The following DNAJC10 variants were observed in gnomAD, a reference collection of about 807,000 sequenced individuals.
DNAJC10 encodes the protein DnaJ heat shock protein family (Hsp40) member C10.
Under a neutral mutation model 115.0 loss-of-function variants are expected in DNAJC10, and 101 were observed. The observed-to-expected ratio is 0.88, with a 90% CI of 0.75 to 1.04. The LOEUF (loss-of-function observed/expected upper bound fraction) is 1.04. Among genes scored for constraint, DNAJC10 ranks in the 50% least tolerant of loss-of-function variants. The pLI is 0.00. For missense variants in DNAJC10, 981 were observed against 928.8 expected, an observed-to-expected ratio of 1.06 and a Z score of -0.73; for synonymous variants, 307 against 301.5, an observed-to-expected ratio of 1.02 and a Z score of -0.19.
intron 11 of DNAJC10, chr2:182,739,444 C>A: frequency 4.7e-6 from 4 of 857,060 alleles, no homozygotes; most frequent in Non-Finnish European, 5.9e-6. Flanking sequence ...AACTGTTAAA[C>A]ATAGATGGTT....
chr2:182,777,159 A>AAAAGAAATTCTGACAG lies in DNAJC10; in HGVS notation c.*29_*44dup. On this transcript the variant is annotated 3_prime_UTR_variant, in exon 24 of 24. Transcript: ENST00000264065. ...AATGTTGAAGATGAAGAAAAAGTTT[A>AAAAGAAATTCTGACAG]AAAGAAATTCTGACAGATGACATCA... 7.4e-7 allele frequency: 1 copy of AAAAGAAATTCTGACAG among 1,359,284 alleles called. No individual in the cohort carries two copies. The highest frequency in any genetic ancestry group is 2.5e-5 in the East Asian group (1 of 40,508). The allele number at this position is 1,359,284 out of a possible 1,614,324, so 84.2% of individuals were successfully genotyped here.
intron 22 of DNAJC10, among the ~76,000 whole-genome samples, chr2:182,763,350 T>C (rs1694333250): frequency 6.6e-6 from 1 of 152,172 alleles, no homozygotes; most frequent in Admixed American, 6.5e-5. Flanking sequence ...TTTATACTTT[T>C]TGTCCAGAGC....
At chr2:182,717,919 A>C (rs745705248) in intron 2 of DNAJC10, 22 bp from the exon 3 acceptor site, 26 of 499,298 alleles carry the variant, frequency 5.2e-5, no homozygotes, top group Non-Finnish European at 8.1e-5. Flanking sequence ...ATGTATTTTA[A>C]CTGCCTGCTT....
intron 5 of DNAJC10, among the ~76,000 whole-genome samples, chr2:182,724,573 TC>T (rs1201328316): frequency 2.5e-4 from 38 of 152,194 alleles, no homozygotes; most frequent in Non-Finnish European, 4.4e-5. Context: ...GGTACAGGAC[TC>T]AGTGTTCACC....
chr2:182,759,508 A>G (rs538860806), intron 21 of DNAJC10, among the ~76,000 whole-genome samples: 26 of 152,034 alleles, frequency 1.7e-4, no homozygotes, highest in African/African-American at 6.3e-4. Flanking sequence ...CATCTTCTCT[A>G]TCTTGGTAGA....
Position 182,738,633 on chromosome 2 carries a change from C to T in DNAJC10, c.988-1666C>T, listed in dbSNP as rs112474513. ...TCCACTCACTGCAAGCTCCACCTCC[C>T]GGGTTCACACCATTCTCCTGCCTCA... On this transcript the variant is annotated intron_variant, in intron 11 of 23. Transcript: ENST00000264065. Among the ~76,000 whole-genome samples the T allele has an allele frequency of 8.1e-4, 123 of 152,048 alleles. 3 individuals are homozygous for T. The highest frequency in any genetic ancestry group is 1.4e-4 in the African/African-American group (6 of 41,478).
At chr2:182,716,864 C>T (rs1280177558) in intron 1 of DNAJC10, among the ~76,000 whole-genome samples, 152 bp from the exon 2 acceptor site, 11 of 152,174 alleles carry the variant, frequency 7.2e-5, no homozygotes, top group Admixed American at 7.2e-4. Context: ...GCTCGGGCCA[C>T]GGGCAGTTCG....
chr2:182,752,042 C>T (rs544769263), intron 15 of DNAJC10, 30 bp from the exon 16 acceptor site: 73 of 1,535,672 alleles, frequency 4.8e-5, no homozygotes, highest in Admixed American at 2.2e-4. Flanking sequence ...TCATTTGGCT[C>T]GGTGCTTATG....
At chr2:182,725,671 A>G (rs1693264971) in intron 5 of DNAJC10, among the ~76,000 whole-genome samples, 1 of 152,180 alleles carries the variant, frequency 6.6e-6, no homozygotes, top group Non-Finnish European at 1.5e-5. Context: ...GTTTGAAGCT[A>G]GAAAAGGTTG....
chr2:182,793,692 G>A lies in DNAJC10; in HGVS notation c.*16560G>A, dbSNP rs1657244315. ...CTATATAATCCTAAATTAGGTTTCA[G>A]TTTATTTAAGTACTAAATTAGGTTG... On this transcript the variant is annotated 3_prime_UTR_variant, in exon 24 of 24. Coordinates refer to ENST00000264065, the MANE Select transcript of DNAJC10 (RefSeq NM_018981.4). 6.6e-6 allele frequency: 1 copy of A among 151,996 alleles called. No homozygotes were observed. The highest frequency in any genetic ancestry group is 1.5e-5 in the Non-Finnish European group (1 of 68,010). 9.4% of individuals were successfully genotyped at this position (151,996 alleles called of 1,614,324 possible).
intron 22 of DNAJC10, among the ~76,000 whole-genome samples, chr2:182,774,355 T>C (rs1275237009): frequency 6.6e-6 from 1 of 152,166 alleles, no homozygotes; most frequent in Non-Finnish European, 1.5e-5. Flanking sequence ...TCAAATGCCG[T>C]TCTGGGAGAA....
intron 16 of DNAJC10, among the ~76,000 whole-genome samples, chr2:182,754,359 A>G (rs1323682171): frequency 6.6e-6 from 1 of 152,214 alleles, no homozygotes; most frequent in Non-Finnish European, 1.5e-5. Flanking sequence ...GCAAATCCAC[A>G]GACAAGGATC....
At chr2:182,747,425 TCTC>T (rs1213379013) in intron 14 of DNAJC10, among the ~76,000 whole-genome samples, 2 of 149,344 alleles carry the variant, frequency 1.3e-5, no homozygotes, top group Non-Finnish European at 3.0e-5. Flanking sequence ...GGTTTGTAGT[TCTC>T]CTTGAAGAGG....
At chr2:182,763,180 G>C (rs1045273305) in intron 22 of DNAJC10, among the ~76,000 whole-genome samples, 15 of 151,960 alleles carry the variant, frequency 9.9e-5, no homozygotes, top group African/African-American at 3.6e-4. Flanking sequence ...CTGCTGCTTG[G>C]AATAATATTT....
chr2:182,762,887 T>C, intron 22 of DNAJC10, 86 bp downstream of exon 22: 1 of 1,426,806 alleles, frequency 7.0e-7, no homozygotes, highest in Non-Finnish European at 9.5e-7. Context: ...TTTTTTCTGT[T>C]TTCTCATCCT....
chr2:182,775,361 A>G lies in DNAJC10; in HGVS notation c.2311A>G (p.Ile771Val). ...EQINTRDAKA[I>V]AALISEKLET... ...GATAAATACCAGAGATGCAAAAGCA[A>G]TCGCTGCCTTAATAAGTGAAAAATT... Residue 771 changes from isoleucine to valine, a missense_variant, in exon 23 of 24, where the codon ATC (isoleucine) becomes GTC (valine). Transcript: ENST00000264065. 1.2e-6 allele frequency: 2 copies of G among 1,613,360 alleles called. No individual in the cohort carries two copies. The highest frequency in any genetic ancestry group is 2.2e-5 in the East Asian group (1 of 44,718).
Position 182,775,440 on chromosome 2 carries a change from T to G in DNAJC10, c.2370+20T>G. The G allele has an allele frequency of 6.4e-7, 1 of 1,561,726 alleles. No homozygotes were observed. The highest frequency in any genetic ancestry group is 8.8e-7 in the Non-Finnish European group (1 of 1,140,346). On this transcript the variant is annotated intron_variant, in intron 23 of 23. Coordinates refer to ENST00000264065, the MANE Select transcript of DNAJC10 (RefSeq NM_018981.4). The stretch of plus-strand genomic sequence containing the variant: ...AATAAGGTATGGACTAAGCCTAGAG[T>G]TGACTTTGGCAAAAGTTGGCAAAAG...
chr2:182,752,863 C>T (rs1459837177), intron 16 of DNAJC10, among the ~76,000 whole-genome samples: 1 of 151,998 alleles, frequency 6.6e-6, no homozygotes, highest in Non-Finnish European at 1.5e-5. Flanking sequence ...GACAAATACC[C>T]AGTATATACA....
chr2:182,731,613 A>C (rs1693449813), intron 9 of DNAJC10, among the ~76,000 whole-genome samples: 1 of 152,156 alleles, frequency 6.6e-6, no homozygotes, highest in African/African-American at 2.4e-5. Flanking sequence ...CGTAAACTGT[A>C]AACTGTGTTC....
Sources: gnomAD v4.1 joint callset for allele counts (sites outside exome capture counted in the v4.1 genomes callset) on GRCh38, gnomAD v4.1.1 for gene constraint, MANE v1.5 for transcripts, NCBI Gene and HGNC (gene_info 2026-07-23, HGNC 2026-07-21) for gene names.